The following SLC12A5 variants were observed in gnomAD, a reference collection of about 807,000 sequenced individuals.
SLC12A5 encodes the protein solute carrier family 12 member 5, also known as K-Cl cotransporter 2.
Under a neutral mutation model 124.0 loss-of-function variants are expected in SLC12A5, and 18 were observed. That is an observed-to-expected ratio of 0.15 (90% CI 0.10 to 0.22). The LOEUF (loss-of-function observed/expected upper bound fraction) is 0.22, where lower values mean the gene tolerates loss of function less well. Among genes scored for constraint, SLC12A5 ranks in the 10% least tolerant of loss-of-function variants. SLC12A5 has a pLI of 1.00. For missense variants in SLC12A5, 867 were observed against 1,478.7 expected (o/e 0.59, Z 6.78); for synonymous variants, 589 against 568.0 (o/e 1.04, Z -0.53).
At position 46,056,769 on chromosome 20, in the gene SLC12A5, T is replaced by C. The variant is rs2084699735; in HGVS notation, c.3111-128T>C. On this transcript the variant is annotated intron_variant, in intron 23 of 25. Coordinates refer to ENST00000243964, the MANE Select transcript of SLC12A5 (RefSeq NM_020708.5). The surrounding 1 kb of genome is among the most constrained non-coding windows in gnomAD (Gnocchi z 4.3). Reference sequence around the variant, plus strand: ...TTCCCAGTTGCAGGCAGCGGAAAGGTGAAGGGTGTGGGGGCTGGCAGAGCA... The same window carrying C: ...TTCCCAGTTGCAGGCAGCGGAAAGGCGAAGGGTGTGGGGGCTGGCAGAGCA... The C allele has an allele frequency of 2.5e-6, 3 of 1,211,006 alleles. No homozygotes were observed. The highest frequency in any genetic ancestry group is 1.9e-4 in the Middle Eastern group (1 of 5,174). The allele number at this position is 1,211,006 out of a possible 1,614,324, so 75.0% of individuals were successfully genotyped here. A position where few individuals can be genotyped will look rare whatever the true frequency, so the allele number is the denominator to read the frequency against.
intron 2 of SLC12A5, chr20:46,023,162 C>T (rs1310262464): frequency 2.5e-6 from 1 of 397,842 alleles, no homozygotes; most frequent in Non-Finnish European, 4.4e-6. Context: ...GTACAGATGA[C>T]CAAATTGAGG....
In SLC12A5 at chr20:46,058,363, C is replaced by T. The variant is rs2084716341; in HGVS notation, c.*758C>T. The T allele has an allele frequency of 2.5e-6, 1 of 398,112 alleles. No homozygotes were observed. Among genetic ancestry groups the T allele is most frequent in the South Asian group, 1.4e-4 (1 of 7,110 alleles). 24.7% of individuals were successfully genotyped at this position (398,112 alleles called of 1,614,324 possible). On this transcript the variant is annotated 3_prime_UTR_variant, in exon 26 of 26. Coordinates refer to ENST00000243964, the MANE Select transcript of SLC12A5 (RefSeq NM_020708.5). The surrounding 1 kb of genome is among the most constrained non-coding windows in gnomAD (Gnocchi z 5.8). ...CCTGCTCTCGCCTCTTCGCCCTTTC[C>T]GCGCGCCCTTGGCTTCCCACCCTCC... is the stretch of plus-strand genomic sequence containing the variant.
At chr20:46,028,100 C>T (rs528857659), upstream of SLC12A5, among the ~76,000 whole-genome samples, 9 of 152,268 alleles carry the variant, frequency 5.9e-5, no homozygotes, top group African/African-American at 1.9e-4. Context: ...ACTCTAGGGG[C>T]TCTGAGGGGT....
chr20:46,045,774 T>G lies in SLC12A5; in HGVS notation c.1570-104T>G. ...AATGCATCCTCTCCCTTCCTCCTCTTTGGTGATAGGATTCCTGCCTCTACT... is the reference window on the plus strand; with the variant it reads ...AATGCATCCTCTCCCTTCCTCCTCTGTGGTGATAGGATTCCTGCCTCTACT... On this transcript the variant is annotated intron_variant, in intron 12 of 25. Coordinates refer to ENST00000243964, the MANE Select transcript of SLC12A5 (RefSeq NM_020708.5). The surrounding 1 kb of genome is among the most constrained non-coding windows in gnomAD (Gnocchi z 4.9). The G allele has an allele frequency of 1.2e-6, 1 of 837,706 alleles. No homozygotes were observed. The highest frequency in any genetic ancestry group is 1.9e-6 in the Non-Finnish European group (1 of 515,938). 51.9% of individuals were successfully genotyped at this position (837,706 alleles called of 1,614,324 possible). A position where few individuals can be genotyped will look rare whatever the true frequency, so the allele number is the denominator to read the frequency against.
At position 46,043,235 on chromosome 20, in the gene SLC12A5, T is replaced by G; in HGVS notation, c.1149T>G (p.Thr383=). 1.2e-6 allele frequency: 2 copies of G among 1,613,670 alleles called. No individual in the cohort carries two copies. The highest frequency in any genetic ancestry group is 1.3e-5 in the African/African-American group (1 of 74,884). ...CCTCGGTGGGCCTGGCCGATGGCAC[T>G]CCTATCGACATGGACCACCCTTATG... ...GMTSVGLADG[T]PIDMDHPYVF... The change falls in exon 9 of 26, where the codon ACT becomes ACG. Residue 383 remains threonine (T), a synonymous_variant. Transcript: ENST00000243964.
intron 1 of SLC12A5, chr20:46,021,986 GC>G: frequency 7.6e-7 from 1 of 1,310,770 alleles, no homozygotes; most frequent in Non-Finnish European, 9.9e-7. Context: ...AAGACCGGGG[GC>G]GGGGAGGGGT....
intron 18 of SLC12A5, 110 bp from the exon 19 acceptor site, chr20:46,052,847 T>G: frequency 8.2e-7 from 1 of 1,225,426 alleles, no homozygotes; most frequent in Non-Finnish European, 1.1e-6. Flanking sequence ...CCAAGGCCAG[T>G]TGGAGTGGGG....
In SLC12A5 at chr20:46,059,305, G is replaced by A. The variant is rs564353976; in HGVS notation, c.*1700G>A. 1.1e-4 allele frequency: 37 copies of A among 348,124 alleles called. No homozygotes were observed. The highest frequency in any genetic ancestry group is 2.4e-4 in the Admixed American group (5 of 21,112). The allele number at this position is 348,124 out of a possible 1,614,324, so 21.6% of individuals were successfully genotyped here. On this transcript the variant is annotated 3_prime_UTR_variant, in exon 26 of 26. Transcript: ENST00000243964. Reference sequence around the variant, plus strand: ...AGCCCAAGGCAGAGCTGGAGCTGGCGCCACCCAGACAGCGTCAGGTGTGGC... The same window carrying A: ...AGCCCAAGGCAGAGCTGGAGCTGGCACCACCCAGACAGCGTCAGGTGTGGC...
In SLC12A5 at chr20:46,033,231, G is replaced by C. The variant is rs544064621; in HGVS notation, c.53-1717G>C. ...AGGATGGGGAAGACGCAGACGGATG[G>C]AGATGGGGAGAAAGGGATGTCAGCC... On this transcript the variant is annotated intron_variant, in intron 1 of 25. Coordinates refer to ENST00000243964, the MANE Select transcript of SLC12A5 (RefSeq NM_020708.5). Among the ~76,000 whole-genome samples, 4 of 152,314 alleles carry C rather than the reference G, an allele frequency of 2.6e-5. No individual in the cohort carries two copies. The South Asian group carries it at 8.3e-4, about 32-fold the overall frequency.
chr20:46,033,480 A>G (rs2084471477), intron 1 of SLC12A5, among the ~76,000 whole-genome samples: 1 of 152,030 alleles, frequency 6.6e-6, no homozygotes, highest in South Asian at 2.1e-4. Context: ...TCCTCGAGTG[A>G]TCTCATCTAG....
At chr20:46,024,897 C>T (rs1348505499), upstream of SLC12A5, among the ~76,000 whole-genome samples, 1 of 152,206 alleles carries the variant, frequency 6.6e-6, no homozygotes, top group African/African-American at 2.4e-5. Flanking sequence ...TACTATGCCT[C>T]CATTTCTCAG....
At position 46,051,832 on chromosome 20, in the gene SLC12A5, G is replaced by C; in HGVS notation, c.2339G>C (p.Arg780Pro). 1 of 1,547,654 alleles carries C rather than the reference G, an allele frequency of 6.5e-7. No homozygotes were observed. The highest frequency in any genetic ancestry group is 1.4e-5 in the African/African-American group (1 of 71,610). Reference protein sequence around the residue: ...TVLVGWPRNWRQKEDHQTWRN... With the variant: ...TVLVGWPRNWPQKEDHQTWRN... ...CTTGTTGGCTGGCCCCGCAACTGGCGCCAGAAGGAAGATCATCAGACGTGG... is the reference window on the plus strand; with the variant it reads ...CTTGTTGGCTGGCCCCGCAACTGGCCCCAGAAGGAAGATCATCAGACGTGG... The change falls in exon 18 of 26, where the codon CGC (arginine) becomes CCC (proline). Residue 780 changes from arginine to proline, a missense_variant. Arg to Pro is a moderately radical substitution (Grantham distance 103). Around this residue, in one of 9 missense-constraint regions of SLC12A5, gnomAD observed 110 missense variants for 149.9 expected, o/e 0.73. Coordinates refer to ENST00000243964, the MANE Select transcript of SLC12A5 (RefSeq NM_020708.5).
Position 46,057,855 on chromosome 20 carries a change from G to A in SLC12A5, c.*250G>A, listed in dbSNP as rs950697624. 2 of 452,052 alleles carry A rather than the reference G, an allele frequency of 4.4e-6. No homozygotes were observed. The highest frequency in any genetic ancestry group is 4.2e-5 in the South Asian group (1 of 23,952). 28.0% of individuals were successfully genotyped at this position (452,052 alleles called of 1,614,324 possible). A position where few individuals can be genotyped will look rare whatever the true frequency, so the allele number is the denominator to read the frequency against. On this transcript the variant is annotated 3_prime_UTR_variant, in exon 26 of 26. Transcript: ENST00000243964. The surrounding 1 kb of genome is among the most constrained non-coding windows in gnomAD (Gnocchi z 7.1). Reference sequence around the variant, plus strand: ...TCTTCGCTGCCCTTTTTCTAAGCCCGGCCTCGTCTCGCCGGAGGAGACGCT... The same window carrying A: ...TCTTCGCTGCCCTTTTTCTAAGCCCAGCCTCGTCTCGCCGGAGGAGACGCT...
At chr20:46,032,367 C>G (rs1038673054) in intron 1 of SLC12A5, among the ~76,000 whole-genome samples, 1 of 152,210 alleles carries the variant, frequency 6.6e-6, no homozygotes, top group Non-Finnish European at 1.5e-5. Flanking sequence ...TTGTCCTGGC[C>G]CTAAGAGGGG....
chr20:46,036,069 C>G (rs1486754819), intron 4 of SLC12A5, 146 bp downstream of exon 4: 1 of 950,314 alleles, frequency 1.1e-6, no homozygotes, highest in African/African-American at 1.7e-5. Context: ...TTAGGCCTGA[C>G]TGGTCCTTCC....
Position 46,035,761 on chromosome 20 carries a change from C to G in SLC12A5, c.280-16C>G. The G allele has an allele frequency of 1.2e-6, 2 of 1,604,706 alleles. No individual in the cohort carries two copies. The highest frequency in any genetic ancestry group is 8.5e-7 in the Non-Finnish European group (1 of 1,174,470). ...ATGATGAGGACTGCAGAGACTGATGCTGGCCTCCCTGGCAGGCCCCACGCA... is the reference window on the plus strand; with the variant it reads ...ATGATGAGGACTGCAGAGACTGATGGTGGCCTCCCTGGCAGGCCCCACGCA... On this transcript the variant is annotated splice_polypyrimidine_tract_variant and intron_variant, in intron 3 of 25. Transcript: ENST00000243964.
chr20:46,058,936 G>A lies in SLC12A5; in HGVS notation c.*1331G>A, dbSNP rs1256640107. On this transcript the variant is annotated 3_prime_UTR_variant, in exon 26 of 26. Coordinates refer to ENST00000243964, the MANE Select transcript of SLC12A5 (RefSeq NM_020708.5). This position sits in a 1 kb window ranked among gnomAD's most constrained non-coding sequence, Gnocchi z 5.8. The stretch of plus-strand genomic sequence containing the variant: ...CCGTCTCCCGGGGACCTGGGCCTGA[G>A]GGAGGGCTGGAGTCGCACGCGCTTT... 4 of 393,370 alleles carry A rather than the reference G, an allele frequency of 1.0e-5. No homozygotes were observed. In the East Asian group the frequency reaches 1.4e-4, roughly 14 times the overall value. 24.4% of individuals were successfully genotyped at this position (393,370 alleles called of 1,614,324 possible).
chr20:46,034,257 C>A (rs539723579), intron 1 of SLC12A5, among the ~76,000 whole-genome samples: 3 of 152,188 alleles, frequency 2.0e-5, no homozygotes, highest in African/African-American at 7.2e-5. Context: ...TCAGCGGACA[C>A]GTCACTTCCT....
intron 1 of SLC12A5, 40 bp from the exon 2 acceptor site, chr20:46,034,908 A>G: frequency 6.3e-7 from 1 of 1,597,216 alleles, no homozygotes; most frequent in African/African-American, 1.3e-5. Context: ...TTGGACAACA[A>G]CTGATTGGTT....
Sources: allele counts gnomAD v4.1 joint callset (sites outside exome capture counted in the v4.1 genomes callset), GRCh38; gene constraint gnomAD v4.1.1; regional missense constraint gnomAD v4.1.1; non-coding constraint Gnocchi (gnomAD v3.1); transcripts MANE v1.5; gene names NCBI Gene and HGNC (gene_info 2026-07-23, HGNC 2026-07-21).